The following DNAH5 variants were observed in gnomAD, a reference collection of about 807,000 sequenced individuals.
DNAH5 encodes the protein axonemal beta dynein heavy chain 5.
In DNAH5, 372 loss-of-function variants were observed where a neutral mutation model predicts 518.2. That is an observed-to-expected ratio of 0.72 (90% CI 0.66 to 0.78). The LOEUF (loss-of-function observed/expected upper bound fraction) is 0.78. DNAH5 is among the 30% of genes least tolerant of loss of function. The pLI, the probability that DNAH5 is intolerant of heterozygous loss-of-function variation, is 0.00. For missense variants in DNAH5, 5,523 were observed against 5,687.0 expected (o/e 0.97, Z 0.93); for synonymous variants, 2,039 against 2,025.9 (o/e 1.01, Z -0.17).
Position 13,758,922 on chromosome 5 carries a change from T to C in DNAH5, c.10343A>G (p.Gln3448Arg), listed in dbSNP as rs781742676. 6.2e-7 allele frequency: 1 copy of C among 1,614,178 alleles called. No individual in the cohort carries two copies. Among genetic ancestry groups the C allele is most frequent in the Non-Finnish European group, 8.5e-7 (1 of 1,180,014 alleles). The stretch of plus-strand genomic sequence containing the variant: ...CGCCTGCTTGTCATCCAACTCGGCC[T>C]GGGCTTTCTGCAGATCCTGCATGGC... ...LLAMQDLQKA[Q>R]AELDDKQAEL... The change falls in exon 61 of 79, where the codon CAG (glutamine) becomes CGG (arginine). Residue 3448 changes from glutamine to arginine, a missense_variant. Coordinates refer to ENST00000265104, the MANE Select transcript of DNAH5 (RefSeq NM_001369.3).
Position 13,830,692 on chromosome 5 carries a change from G to T in DNAH5, c.5966C>A (p.Thr1989Asn), listed in dbSNP as rs1763551944. Residue 1989 changes from threonine (T) to asparagine (N), a missense_variant, in exon 36 of 79, where the codon ACC (threonine) becomes AAC (asparagine). By Grantham distance (65) the Thr-to-Asn change is moderately conservative. Coordinates refer to ENST00000265104, the MANE Select transcript of DNAH5 (RefSeq NM_001369.3). ...AGPAGTGKTE[T>N]TKDMGRCLGK... ...GAGGCATCGTCCCATGTCTTTAGTG[G>T]TTTCTGTTTTGCCTGTGCCTGCAGG... 1 of 1,614,002 alleles carries T rather than the reference G, an allele frequency of 6.2e-7. No homozygotes were observed. The highest frequency in any genetic ancestry group is 1.3e-5 in the African/African-American group (1 of 74,892).
In DNAH5 at chr5:13,914,634, A is replaced by T. The variant is rs140782270; in HGVS notation, c.1206T>A (p.Asn402Lys). ...AGGCTTTACATGCAGATATAATCTG[A>T]TTTGTCACCTGGGATTTTCCAATAA... ...KITSLFVKVT[N>K]QIISACKAYI... is the part of the protein sequence containing the mutation. Residue 402 changes from asparagine (N) to lysine (K), a missense_variant, in exon 10 of 79, where the codon AAT becomes AAA. By Grantham distance (94) the Asn-to-Lys change is moderately conservative. Coordinates refer to ENST00000265104, the MANE Select transcript of DNAH5 (RefSeq NM_001369.3). 2.3e-3 allele frequency: 3,731 copies of T among 1,612,854 alleles called. 9 individuals are homozygous for T. The highest frequency in any genetic ancestry group is 9.0e-3 in the Middle Eastern group (54 of 6,022).
chr5:13,895,496 C>T (rs1396420087), intron 15 of DNAH5, among the ~76,000 whole-genome samples: 1 of 152,212 alleles, frequency 6.6e-6, no homozygotes, highest in African/African-American at 2.4e-5. Flanking sequence ...ACTGATACGA[C>T]ATGCGTGCTG....
chr5:13,841,141 T>TA lies in DNAH5; in HGVS notation c.5485-12dup. 6.3e-7 allele frequency: 1 copy of TA among 1,598,678 alleles called. No individual in the cohort carries two copies. On this transcript the variant is annotated splice_polypyrimidine_tract_variant and intron_variant, in intron 33 of 78. Coordinates refer to ENST00000265104, the MANE Select transcript of DNAH5 (RefSeq NM_001369.3). ...TCCTAATAATCCAACCTTATGGAAA[T>TA]AAAAAAGGCTTCATGAATTTGTATG...
chr5:13,889,015 T>C (rs1772815578), intron 17 of DNAH5, among the ~76,000 whole-genome samples: 1 of 152,192 alleles, frequency 6.6e-6, no homozygotes, highest in African/African-American at 2.4e-5. Flanking sequence ...GAAGAATATT[T>C]TGTGACGAAA....
chr5:13,945,027 G>C (rs1308222014), upstream of DNAH5, among the ~76,000 whole-genome samples: 2 of 152,122 alleles, frequency 1.3e-5, no homozygotes, highest in African/African-American at 4.8e-5. Flanking sequence ...TGCCAGATAG[G>C]CTAATTGTGA....
intron 60 of DNAH5, among the ~76,000 whole-genome samples, chr5:13,761,368 C>T (rs531591882): frequency 3.5e-4 from 53 of 152,122 alleles, no homozygotes; most frequent in Admixed American, 1.3e-3. Flanking sequence ...CCGAGGTGGG[C>T]GGATCACGAG....
chr5:13,708,371 T>C, intron 75 of DNAH5, 36 bp from the exon 76 acceptor site: 1 of 1,607,458 alleles, frequency 6.2e-7, no homozygotes, highest in Non-Finnish European at 8.5e-7. Flanking sequence ...TGTTAACAAT[T>C]AGCTACTAAG....
intron 1 of DNAH5, among the ~76,000 whole-genome samples, chr5:14,002,816 GTACT>G (rs1784453926): frequency 6.6e-6 from 1 of 151,702 alleles, no homozygotes; most frequent in African/African-American, 2.4e-5. Context: ...TCTTTCAAAT[GTACT>G]TACTTTTTAT....
At position 13,727,604 on chromosome 5, in the gene DNAH5, T is replaced by C. The variant is rs752281220; in HGVS notation, c.11936A>G (p.Glu3979Gly). ...ATAGGCATTTGGAAGAGGTTCCTCCTCCGGGTTTTCCTTATCAAACCAAAT... is the reference window on the plus strand; with the variant it reads ...ATAGGCATTTGGAAGAGGTTCCTCCCCCGGGTTTTCCTTATCAAACCAAAT... Reference protein sequence around the residue: ...WKIWFDKENPEEEPLPNAYDK... With the variant: ...WKIWFDKENPGEEPLPNAYDK... Residue 3979 changes from glutamate (E) to glycine (G), a missense_variant, in exon 70 of 79, where the codon GAG becomes GGG. Glu to Gly is a moderately conservative substitution (Grantham distance 98, BLOSUM62 -2). This residue lies in a region of DNAH5 where 5,121 missense variants were observed against 5,223.3 expected (regional missense o/e 0.98). Coordinates refer to ENST00000265104, the MANE Select transcript of DNAH5 (RefSeq NM_001369.3). 1 of 1,613,872 alleles carries C rather than the reference T, an allele frequency of 6.2e-7. No homozygotes were observed. The highest frequency in any genetic ancestry group is 1.7e-5 in the Admixed American group (1 of 60,004).
At chr5:13,985,080 A>T (rs551008046) in intron 1 of DNAH5, among the ~76,000 whole-genome samples, 1 of 152,328 alleles carries the variant, frequency 6.6e-6, no homozygotes, top group South Asian at 2.1e-4. Flanking sequence ...CAAATACACC[A>T]TGGAATACTA....
At chr5:13,810,733 G>A (rs940287238) in intron 44 of DNAH5, among the ~76,000 whole-genome samples, 5 of 150,192 alleles carry the variant, frequency 3.3e-5, no homozygotes, top group South Asian at 2.1e-4. Context: ...CAGCCTGGGC[G>A]ACAGTGCGAG....
At chr5:13,955,097 G>A (rs899575097) in intron 1 of DNAH5, among the ~76,000 whole-genome samples, 4 of 152,170 alleles carry the variant, frequency 2.6e-5, no homozygotes, top group Non-Finnish European at 5.9e-5. Flanking sequence ...CTGGTGGGAG[G>A]TGACTGGCTC....
intron 1 of DNAH5, among the ~76,000 whole-genome samples, chr5:13,951,205 T>C (rs1438897305): frequency 7.6e-6 from 1 of 131,424 alleles, no homozygotes; most frequent in African/African-American, 2.7e-5. Flanking sequence ...TTTTGTTTTT[T>C]TCGTTTTTTT....
rs371074445 is a variant in DNAH5, at chr5:13,814,682, C to A, written c.7153G>T (p.Ala2385Ser). The stretch of plus-strand genomic sequence containing the variant: ...TTTCTTGAGACGGTGGCAGGAGAAG[C>A]ATTGTCAATGTTATGAGGCTCGAAA... ...IIFEPHNIDNASPATVSRNGM... is the reference protein window; with the variant it reads ...IIFEPHNIDNSSPATVSRNGM... Residue 2385 changes from alanine to serine, a missense_variant, in exon 43 of 79, where the codon GCT becomes TCT. By Grantham distance (99) the Ala-to-Ser change is moderately conservative. Around this residue, in one of 3 missense-constraint regions of DNAH5, gnomAD observed 5,121 missense variants for 5,223.3 expected, o/e 0.98. Coordinates refer to ENST00000265104, the MANE Select transcript of DNAH5 (RefSeq NM_001369.3). 3.1e-6 allele frequency: 5 copies of A among 1,614,076 alleles called. No individual in the cohort carries two copies. Among genetic ancestry groups the A allele is most frequent in the Non-Finnish European group, 4.2e-6 (5 of 1,179,966 alleles).
chr5:13,891,128 G>GA lies in DNAH5; in HGVS notation c.2432-8dup, dbSNP rs2151949072. On this transcript the variant is annotated splice_polypyrimidine_tract_variant and splice_region_variant and intron_variant, in intron 16 of 78. Transcript: ENST00000265104. ...AGCAGCAACTCCAGGTCCTCTTTGG[G>GA]AAAAAATAAAAGTAAATAAAAGAGA... 1.9e-6 allele frequency: 3 copies of GA among 1,613,728 alleles called. No homozygotes were observed. The highest frequency in any genetic ancestry group is 2.5e-6 in the Non-Finnish European group (3 of 1,179,884).
Position 13,770,805 on chromosome 5 carries a change from C to T in DNAH5, c.9549G>A (p.Gln3183=), listed in dbSNP as rs147865593. The change falls in exon 56 of 79, where the codon CAG becomes CAA. Residue 3183 remains glutamine (Q), a synonymous_variant. Coordinates refer to ENST00000265104, the MANE Select transcript of DNAH5 (RefSeq NM_001369.3). ...TTTCTCCATATATGAACTTATAGCC[C>T]TGAATAAAGGAGAGGTATGATTTGG... ...VTPKSYLSFI[Q]GYKFIYGEKH... 84 of 1,613,948 alleles carry T rather than the reference C, an allele frequency of 5.2e-5. No homozygotes were observed. In the African/African-American group the frequency reaches 1.1e-3, roughly 21 times the overall value.
chr5:13,736,921 T>C (rs926929655), intron 66 of DNAH5, among the ~76,000 whole-genome samples: 9 of 152,154 alleles, frequency 5.9e-5, no homozygotes, highest in African/African-American at 2.2e-4. Context: ...AAACGATAAA[T>C]AACTGGTGCA....
chr5:13,796,854 G>A (rs1246701510), intron 47 of DNAH5, among the ~76,000 whole-genome samples: 1 of 151,998 alleles, frequency 6.6e-6, no homozygotes, highest in Non-Finnish European at 1.5e-5. Flanking sequence ...AAAACAGAGA[G>A]ATAGACCAAT....
Sources: allele counts gnomAD v4.1 joint callset (sites outside exome capture counted in the v4.1 genomes callset), GRCh38; gene constraint gnomAD v4.1.1; regional missense constraint gnomAD v4.1.1; transcripts MANE v1.5; gene names NCBI Gene and HGNC (gene_info 2026-07-23, HGNC 2026-07-21).